FARP2: variants seen among roughly 807,000 people sequenced by gnomAD.
The protein encoded by FARP2 is FERM, ARH/RhoGEF and pleckstrin domain protein 2, also known as FERM, ARHGEF and pleckstrin domain-containing protein 2.
In FARP2, 111 loss-of-function variants were observed where a neutral mutation model predicts 130.5. The ratio of observed to expected loss-of-function variants is 0.85; its 90% confidence interval spans 0.73 to 1.00. The LOEUF is 1.00. Among genes scored for constraint, FARP2 ranks in the 50% least tolerant of loss-of-function variants. The probability of loss-of-function intolerance (pLI) is 0.00; values close to 1 mark genes in which losing one functional copy is unlikely to be tolerated. For synonymous variants in FARP2, 504 were observed against 516.9 expected, an observed-to-expected ratio of 0.98 and a Z score of 0.34; for missense variants, 1,385 against 1,346.3, an observed-to-expected ratio of 1.03 and a Z score of -0.45.
chr2:241,452,021 C>T (rs1236077262), intron 13 of FARP2, among the ~76,000 whole-genome samples: 1 of 152,244 alleles, frequency 6.6e-6, no homozygotes, highest in Non-Finnish European at 1.5e-5. Flanking sequence ...TCCCAAAGTG[C>T]TGGGATTACA....
At chr2:241,361,653 G>A (rs1369851557) in intron 1 of FARP2, among the ~76,000 whole-genome samples, 1 of 152,038 alleles carries the variant, frequency 6.6e-6, no homozygotes, top group African/African-American at 2.4e-5. Flanking sequence ...TGCAAGTGAG[G>A]GCCCAGAAAC....
chr2:241,381,278 A>G (rs752005659), intron 2 of FARP2, among the ~76,000 whole-genome samples: 6 of 152,024 alleles, frequency 3.9e-5, no homozygotes, highest in Non-Finnish European at 8.8e-5. Context: ...TCTAGTGCCC[A>G]AAACCTTTTA....
rs1412853551 is a variant in FARP2, at chr2:241,403,792, C to T, written c.184-36C>T. On this transcript the variant is annotated intron_variant, in intron 2 of 26. Transcript: ENST00000264042. ...CATAAACCCTTGCTGTTTAGTCTTT[C>T]AATCCTTGTTATTTTTCCCATCTCT... 4 of 1,367,164 alleles carry T rather than the reference C, an allele frequency of 2.9e-6. No individual in the cohort carries two copies. The African/African-American group carries it at 4.3e-5, about 15-fold the overall frequency. The allele number at this position is 1,367,164 out of a possible 1,614,324, so 84.7% of individuals were successfully genotyped here.
At chr2:241,437,180 C>T (rs1341491422) in intron 12 of FARP2, among the ~76,000 whole-genome samples, 1 of 152,214 alleles carries the variant, frequency 6.6e-6, no homozygotes, top group Non-Finnish European at 1.5e-5. Flanking sequence ...TGGAGAAATT[C>T]TTGCTGTTAT....
intron 4 of FARP2, 129 bp from the exon 5 acceptor site, chr2:241,407,405 TATC>T: frequency 2.9e-6 from 2 of 684,978 alleles, no homozygotes; most frequent in South Asian, 3.6e-5. Context: ...AATTTCTTAA[TATC>T]ATATTATTTG....
At position 241,418,048 on chromosome 2, in the gene FARP2, C is replaced by G. The variant is rs752454708; in HGVS notation, c.710C>G (p.Ser237Cys). 1.2e-6 allele frequency: 2 copies of G among 1,614,184 alleles called. No individual in the cohort carries two copies. Among genetic ancestry groups the G allele is most frequent in the South Asian group, 1.1e-5 (1 of 91,088 alleles). ...EMYGIRFHMA[S>C]DREGTKIQLA... ...TACGGCATCAGATTTCACATGGCTT[C>G]TGACAGGGAAGGAACCAAGATTCAA... The change falls in exon 8 of 27, where the codon TCT becomes TGT. Residue 237 changes from serine (S) to cysteine (C), a missense_variant. Ser to Cys is a moderately radical substitution (Grantham distance 112). Coordinates refer to ENST00000264042, the MANE Select transcript of FARP2 (RefSeq NM_014808.4).
rs1198694678 is a variant in FARP2, at chr2:241,441,352, G to A, written c.1207G>A (p.Ala403Thr). 11 of 1,613,174 alleles carry A rather than the reference G, an allele frequency of 6.8e-6. No individual in the cohort carries two copies. The highest frequency in any genetic ancestry group is 8.5e-6 in the Non-Finnish European group (10 of 1,179,294). Residue 403 changes from alanine (A) to threonine (T), a missense_variant, in exon 13 of 27, where the codon GCG (alanine) becomes ACG (threonine). Transcript: ENST00000264042. ...GAGGACTCCTGCCTCCCCATCTTCA[G>A]CGAATGCCTTTTACTCGCTCTCTCC... ...GLRTPASPSS[A>T]NAFYSLSPST...
intron 9 of FARP2, among the ~76,000 whole-genome samples, chr2:241,432,760 T>A (rs2063124297): frequency 6.6e-6 from 1 of 152,256 alleles, no homozygotes; most frequent in Admixed American, 6.5e-5. Flanking sequence ...GATGTTCCAG[T>A]TGCTGCATTT....
At chr2:241,444,844 C>T (rs2150423160) in intron 13 of FARP2, 1 of 152,292 alleles carries the variant, frequency 6.6e-6, no homozygotes, top group African/African-American at 2.4e-5. Context: ...CCCGCATCAC[C>T]TCAAATTCAG....
At chr2:241,440,627 G>A (rs886592973) in intron 12 of FARP2, among the ~76,000 whole-genome samples, 5 of 152,132 alleles carry the variant, frequency 3.3e-5, no homozygotes, top group African/African-American at 1.2e-4. Flanking sequence ...GAGTGGATTG[G>A]TGTGTGTCCT....
intron 13 of FARP2, among the ~76,000 whole-genome samples, chr2:241,455,181 AGT>A (rs558104794): frequency 5.9e-5 from 9 of 152,224 alleles, no homozygotes; most frequent in Non-Finnish European, 1.2e-4. Flanking sequence ...TGCCAACAGT[AGT>A]GTGAGAGAAT....
chr2:241,382,542 C>T (rs1057052259), intron 2 of FARP2, among the ~76,000 whole-genome samples: 10 of 152,186 alleles, frequency 6.6e-5, no homozygotes, highest in Admixed American at 5.9e-4. Flanking sequence ...CTTAGCCTCC[C>T]AAAGTGCTAG....
chr2:241,466,265 G>C (rs1293593381), intron 17 of FARP2: 8 of 985,350 alleles, frequency 8.1e-6, no homozygotes, highest in Non-Finnish European at 8.4e-6. Context: ...TGGAGCCCCG[G>C]TGTGGAGTGG....
intron 4 of FARP2, 73 bp from the exon 5 acceptor site, chr2:241,407,464 T>C (rs1474354724): frequency 2.8e-6 from 3 of 1,089,922 alleles, no homozygotes; most frequent in Non-Finnish European, 4.2e-6. Context: ...ACCTCAGTTA[T>C]ACAGTAATAT....
intron 8 of FARP2, among the ~76,000 whole-genome samples, chr2:241,425,649 A>G (rs1314139532): frequency 6.7e-6 from 1 of 149,512 alleles, no homozygotes; most frequent in Non-Finnish European, 1.5e-5. Context: ...AAAAAAAAAA[A>G]AAAAAAAAAA....
At chr2:241,462,034 T>C (rs1048072912) in intron 14 of FARP2, among the ~76,000 whole-genome samples, 2 of 152,202 alleles carry the variant, frequency 1.3e-5, no homozygotes, top group Non-Finnish European at 2.9e-5. Context: ...CGCTCAGGGC[T>C]GGGCTGTCTC....
chr2:241,428,727 G>A (rs1020904254), intron 8 of FARP2, among the ~76,000 whole-genome samples: 2 of 151,632 alleles, frequency 1.3e-5, no homozygotes, highest in Non-Finnish European at 2.9e-5. Context: ...TTGTATGACC[G>A]TCACTACTAT....
At chr2:241,493,128 G>A (rs966254943) in intron 25 of FARP2, 92 bp downstream of exon 25, 11 of 1,131,372 alleles carry the variant, frequency 9.7e-6, no homozygotes, top group East Asian at 9.5e-5. Context: ...TTTTGGTTCT[G>A]CCCTCCCATG....
chr2:241,390,257 TAG>T (rs982594947), intron 2 of FARP2, among the ~76,000 whole-genome samples: 5 of 152,264 alleles, frequency 3.3e-5, no homozygotes, highest in African/African-American at 1.2e-4. Context: ...TTGCTGAAAA[TAG>T]AGTTTCTTAT....
Sources: gnomAD v4.1 joint callset for allele counts (sites outside exome capture counted in the v4.1 genomes callset) on GRCh38, gnomAD v4.1.1 for gene constraint, MANE v1.5 for transcripts, NCBI Gene and HGNC (gene_info 2026-07-23, HGNC 2026-07-21) for gene names.